SVOP: variants seen among roughly 807,000 people sequenced by gnomAD.
SVOP encodes synaptic vesicle 2-related protein.
Under a neutral mutation model 69.1 loss-of-function variants are expected in SVOP, and 17 were observed. The ratio of observed to expected loss-of-function variants is 0.25; its 90% CI spans 0.17 to 0.37. SVOP has a LOEUF of 0.37. Among genes scored for constraint, SVOP ranks in the 10% least tolerant of loss-of-function variants. The probability of loss-of-function intolerance (pLI) is 1.00; values close to 1 mark genes in which losing one functional copy is unlikely to be tolerated. For missense variants in SVOP, 435 were observed against 597.5 expected (o/e 0.73, Z 2.84); for synonymous variants, 238 against 238.6 (o/e 1.00, Z 0.02).
At chr12:109,006,643 T>C (rs560895356) in intron 1 of SVOP, among the ~76,000 whole-genome samples, 1 of 152,274 alleles carries the variant, frequency 6.6e-6, no homozygotes, top group Admixed American at 6.5e-5. Context: ...TTCATCCTTC[T>C]CTGGAGCATA....
At chr12:108,957,938 G>A (rs2039994556) in intron 6 of SVOP, among the ~76,000 whole-genome samples, 1 of 152,252 alleles carries the variant, frequency 6.6e-6, no homozygotes, top group African/African-American at 2.4e-5. Flanking sequence ...TTGCAGAAAA[G>A]AGATTATCCA....
chr12:108,948,612 A>G (rs1419357593), intron 6 of SVOP, among the ~76,000 whole-genome samples: 2 of 152,196 alleles, frequency 1.3e-5, no homozygotes, highest in Non-Finnish European at 2.9e-5. Context: ...ACACTTCCTT[A>G]AACATCTTTA....
At chr12:108,965,803 C>T (rs1308930184) in intron 5 of SVOP, among the ~76,000 whole-genome samples, 1 of 152,148 alleles carries the variant, frequency 6.6e-6, no homozygotes, top group Non-Finnish European at 1.5e-5. Flanking sequence ...CAGAGGGAGT[C>T]CGAGCGCCTG....
At chr12:108,998,685 C>A (rs1473414555) in intron 1 of SVOP, among the ~76,000 whole-genome samples, 1 of 151,860 alleles carries the variant, frequency 6.6e-6, no homozygotes, top group Non-Finnish European at 1.5e-5. Flanking sequence ...GAATTTTCAA[C>A]CTAGAATTTC....
At chr12:108,999,886 C>G (rs1478969729) in intron 1 of SVOP, among the ~76,000 whole-genome samples, 1 of 151,972 alleles carries the variant, frequency 6.6e-6, no homozygotes, top group African/African-American at 2.4e-5. Flanking sequence ...GACACCCTAA[C>G]ATCACAATTA....
At position 108,960,964 on chromosome 12, in the gene SVOP, G is replaced by C. The variant is rs2040014617; in HGVS notation, c.537C>G (p.Leu179=). 2.6e-6 allele frequency: 4 copies of C among 1,536,994 alleles called. No homozygotes were observed. Among genetic ancestry groups the C allele is most frequent in the Middle Eastern group, 1.7e-4 (1 of 6,012 alleles). The change falls in exon 6 of 16, where the codon CTC becomes CTG. Residue 179 remains leucine (L), a synonymous_variant. Transcript: ENST00000610966. ...CGATCCCGAAGCCCACCAGGCCCCG[G>C]AGCACCAGGATCCAGCTATACACGG... ...FAPVYSWILV[L]RGLVGFGIGG...
chr12:108,970,610 C>T (rs1364293761), intron 5 of SVOP, among the ~76,000 whole-genome samples: 1 of 152,140 alleles, frequency 6.6e-6, no homozygotes, highest in East Asian at 1.9e-4. Flanking sequence ...TTAGTCTAAG[C>T]CAATCGTTTT....
chr12:108,928,728 G>A (rs34132586), intron 11 of SVOP, among the ~76,000 whole-genome samples: 9,087 of 151,912 alleles, frequency 0.06, 436 homozygotes, highest in African/African-American at 0.12. Context: ...CACCACACTC[G>A]GCTCAGTTTT....
intron 10 of SVOP, among the ~76,000 whole-genome samples, chr12:108,935,962 C>A (rs1231129002): frequency 1.3e-5 from 2 of 151,928 alleles, no homozygotes; most frequent in Non-Finnish European, 2.9e-5. Context: ...GTGCCACATG[C>A]CACCCCTGTG....
rs945667454 is a variant in SVOP, at chr12:109,000,137, C to T, written c.36-16376G>A. On this transcript the variant is annotated intron_variant, in intron 1 of 15. Coordinates refer to ENST00000610966, the MANE Select transcript of SVOP (RefSeq NM_018711.5). The stretch of plus-strand genomic sequence containing the variant: ...AAAATGATAAAGGGGATATCAGCAC[C>T]GATCCCACAGAAATACAAACTACCA... Among the ~76,000 whole-genome samples the T allele has an allele frequency of 1.7e-4, 26 of 152,206 alleles. 1 individual carries two copies. The highest frequency in any genetic ancestry group is 5.8e-4 in the East Asian group (3 of 5,192).
In SVOP at chr12:108,908,641, T is replaced by G. The variant is rs1023123143; in HGVS notation, c.*3894A>C. The G allele has an allele frequency of 2.6e-5, 4 of 152,198 alleles. No homozygotes were observed. The highest frequency in any genetic ancestry group is 9.7e-5 in the African/African-American group (4 of 41,438). 9.4% of individuals were successfully genotyped at this position (152,198 alleles called of 1,614,324 possible). A position where few individuals can be genotyped will look rare whatever the true frequency, so the allele number is the denominator to read the frequency against. On this transcript the variant is annotated 3_prime_UTR_variant, in exon 16 of 16. Coordinates refer to ENST00000610966, the MANE Select transcript of SVOP (RefSeq NM_018711.5). ...GTAGGAAATTAACTACCGATCCCAG[T>G]CTTATAATAAAGCTCTGTTCCTTAA...
At chr12:108,935,749 T>A (rs548049686) in intron 10 of SVOP, among the ~76,000 whole-genome samples, 1 of 152,322 alleles carries the variant, frequency 6.6e-6, no homozygotes, top group African/African-American at 2.4e-5. Flanking sequence ...GTACATGAAT[T>A]GGTGCAAAGA....
intron 1 of SVOP, among the ~76,000 whole-genome samples, chr12:109,008,751 G>C (rs1440637294): frequency 2.0e-5 from 3 of 151,920 alleles, no homozygotes; most frequent in African/African-American, 7.3e-5. Flanking sequence ...GAAAAACAAG[G>C]AACTTGCCCA....
At chr12:108,969,342 C>T (rs562296124) in intron 5 of SVOP, among the ~76,000 whole-genome samples, 5 of 146,038 alleles carry the variant, frequency 3.4e-5, no homozygotes, top group Admixed American at 6.9e-5. Context: ...CTTCCTACCT[C>T]GCTCTCTTTC....
rs138072737 is a variant in SVOP, at chr12:109,013,275, T to C, written c.35+7559A>G. Among the ~76,000 whole-genome samples the C allele has an allele frequency of 3.9e-5, 6 of 152,230 alleles. No individual in the cohort carries two copies. The East Asian group carries it at 1.2e-3, about 29-fold the overall frequency. ...AAATTATAGAGTTTATTAGCGATGA[T>C]ACGTGCTATGAAAAAAAGAAAAAGG... On this transcript the variant is annotated intron_variant, in intron 1 of 15. Coordinates refer to ENST00000610966, the MANE Select transcript of SVOP (RefSeq NM_018711.5).
chr12:109,014,632 T>C (rs530129938), intron 1 of SVOP, among the ~76,000 whole-genome samples: 1 of 152,360 alleles, frequency 6.6e-6, no homozygotes, highest in South Asian at 2.1e-4. Context: ...TTTTCCATGA[T>C]GGCTACACTA....
chr12:108,964,496 C>T (rs2040034161), intron 5 of SVOP, among the ~76,000 whole-genome samples: 1 of 151,840 alleles, frequency 6.6e-6, no homozygotes, highest in Non-Finnish European at 1.5e-5. Context: ...GGAGTTAACC[C>T]TCCTTCAAGG....
rs1043910431 is a variant in SVOP at position 108,980,263 on chromosome 12, C to A, written c.197-1600G>T. On this transcript the variant is annotated intron_variant, in intron 2 of 15. Transcript: ENST00000610966. ...TATGCTGGATTGTATCTGGGAATAG[C>A]ACAATTGCAATGACTGGTGAAATCC... Among the ~76,000 whole-genome samples the A allele has an allele frequency of 4.7e-3, 723 of 152,296 alleles. 3 individuals are homozygous for A. Among genetic ancestry groups the A allele is most frequent in the Non-Finnish European group, 7.7e-3 (521 of 68,018 alleles).
intron 2 of SVOP, among the ~76,000 whole-genome samples, chr12:108,982,183 T>G (rs2040139768): frequency 2.7e-5 from 4 of 150,714 alleles, no homozygotes; most frequent in Non-Finnish European, 5.9e-5. Flanking sequence ...CATCCTATCA[T>G]TATCATCACC....
Sources: allele counts gnomAD v4.1 joint callset (sites outside exome capture counted in the v4.1 genomes callset), GRCh38; gene constraint gnomAD v4.1.1; transcripts MANE v1.5; gene names NCBI Gene and HGNC (gene_info 2026-07-23, HGNC 2026-07-21).